PKP2: variants seen among roughly 807,000 people sequenced by gnomAD.
The protein encoded by PKP2 is plakophilin-2.
Under a neutral mutation model 83.4 loss-of-function variants are expected in PKP2, and 73 were observed. That is an observed-to-expected ratio of 0.88 (90% CI 0.72 to 1.06). PKP2 has a LOEUF of 1.06. Among genes scored for constraint, PKP2 ranks in the 50% least tolerant of loss-of-function variants. The probability of loss-of-function intolerance (pLI) is 0.00; values close to 1 mark genes in which losing one functional copy is unlikely to be tolerated. For synonymous variants in PKP2, 409 were observed against 430.4 expected (o/e 0.95, Z 0.62); for missense variants, 966 against 1,065.4 (o/e 0.91, Z 1.30).
intron 9 of PKP2, among the ~76,000 whole-genome samples, chr12:32,811,302 T>C (rs1956275230): frequency 6.6e-6 from 1 of 152,238 alleles, no homozygotes; most frequent in Non-Finnish European, 1.5e-5. Context: ...TTAATTCTAG[T>C]AGGTGCTGTC....
intron 4 of PKP2, among the ~76,000 whole-genome samples, chr12:32,857,037 C>A (rs988751658): frequency 6.6e-6 from 1 of 152,218 alleles, no homozygotes; most frequent in Non-Finnish European, 1.5e-5. Context: ...AGCAGTGACT[C>A]TTCAGAGTCC....
At chr12:32,823,423 A>AT (rs1956402622) in intron 7 of PKP2, among the ~76,000 whole-genome samples, 1 of 18,644 alleles carries the variant, frequency 5.4e-5, no homozygotes, top group Admixed American at 3.9e-4. Context: ...CTCTGCCTCC[A>AT]AAAAAAAAAA....
chr12:32,841,246 G>T (rs186175440), intron 5 of PKP2, 41 bp from the exon 6 acceptor site: 2 of 1,535,116 alleles, frequency 1.3e-6, no homozygotes, highest in Non-Finnish European at 1.8e-6. Flanking sequence ...GTGCAGGGTG[G>T]GACCAAAATG....
chr12:32,858,155 T>C (rs1174937828), intron 4 of PKP2, among the ~76,000 whole-genome samples: 1 of 120,634 alleles, frequency 8.3e-6, no homozygotes, highest in Non-Finnish European at 1.7e-5. Context: ...TATATATAAA[T>C]ATATATAAAA....
At chr12:32,818,467 A>G (rs1045510068) in intron 9 of PKP2, among the ~76,000 whole-genome samples, 17 of 151,946 alleles carry the variant, frequency 1.1e-4, no homozygotes, top group African/African-American at 3.9e-4. Context: ...TCTCAAAAAC[A>G]AAAAAAACCC....
In PKP2 at chr12:32,802,498, CG is replaced by C; in HGVS notation, c.2071del (p.Arg691GlufsTer11). On this transcript the variant is annotated frameshift_variant, in exon 10 of 13. Coordinates refer to ENST00000340811, the MANE Select transcript of PKP2 (RefSeq NM_001005242.3). LOFTEE classifies it high-confidence loss of function. ...TGGGTCACCAACATGCAGCATCTTT[CG>C]GGTGTGCTGCAGGCCACTTTCCTTC... ...VQKESGLQHT[R>X]KMLHVGDPSV... The C allele has an allele frequency of 6.2e-7, 1 of 1,613,786 alleles. No individual in the cohort carries two copies. Among genetic ancestry groups the C allele is most frequent in the Non-Finnish European group, 8.5e-7 (1 of 1,179,676 alleles).
intron 4 of PKP2, chr12:32,863,250 T>C (rs1956817174): frequency 7.9e-6 from 2 of 253,096 alleles, no homozygotes; most frequent in South Asian, 6.3e-5. Context: ...GATGTCCTTA[T>C]GTATACAAAG....
chr12:32,804,369 G>A (rs73301732), intron 9 of PKP2, among the ~76,000 whole-genome samples: 6,349 of 152,228 alleles, frequency 0.042, 169 homozygotes, highest in African/African-American at 0.069. Flanking sequence ...AGGTTAATGT[G>A]TACCATGGTG....
intron 8 of PKP2, chr12:32,821,924 C>G (rs749990977): frequency 8.5e-5 from 21 of 245,864 alleles, no homozygotes; most frequent in Non-Finnish European, 8.7e-5. Context: ...CACCAGGGTT[C>G]TAAATTTACC....
chr12:32,826,839 G>A (rs1471402226), intron 6 of PKP2, among the ~76,000 whole-genome samples: 1 of 152,132 alleles, frequency 6.6e-6, no homozygotes, highest in African/African-American at 2.4e-5. Context: ...GAAGCCAAAA[G>A]TTTCCGTTAC....
chr12:32,841,025 T>C lies in PKP2; in HGVS notation c.1556+3A>G. On this transcript the variant is annotated splice_donor_region_variant and intron_variant, in intron 6 of 12. Coordinates refer to ENST00000340811, the MANE Select transcript of PKP2 (RefSeq NM_001005242.3). ...TATCAGGGCAGGGTACAGGTAGCATTACCTTAGGCATCCAGTGACGTTGTA... is the reference window on the plus strand; with the variant it reads ...TATCAGGGCAGGGTACAGGTAGCATCACCTTAGGCATCCAGTGACGTTGTA... 6.2e-7 allele frequency: 1 copy of C among 1,611,840 alleles called. No individual in the cohort carries two copies. The highest frequency in any genetic ancestry group is 8.5e-7 in the Non-Finnish European group (1 of 1,178,946).
At chr12:32,847,115 C>T (rs924553074) in intron 5 of PKP2, among the ~76,000 whole-genome samples, 14 of 151,916 alleles carry the variant, frequency 9.2e-5, no homozygotes, top group African/African-American at 3.4e-4. Flanking sequence ...AAAAAAAGGT[C>T]AAAGAAATAG....
chr12:32,859,828 G>A (rs922673711), intron 4 of PKP2, among the ~76,000 whole-genome samples: 14 of 151,652 alleles, frequency 9.2e-5, no homozygotes, highest in African/African-American at 3.4e-4. Flanking sequence ...ATAATGAAAT[G>A]CCTATTTTTG....
At chr12:32,823,977 G>T (rs1956407593) in intron 7 of PKP2, 68 bp downstream of exon 7, 1 of 947,072 alleles carries the variant, frequency 1.1e-6, no homozygotes, top group Non-Finnish European at 1.7e-6. Flanking sequence ...CTAAAACCAA[G>T]CGGCTATCTT....
chr12:32,880,357 G>T (rs113478510), intron 1 of PKP2, among the ~76,000 whole-genome samples: 1 of 151,914 alleles, frequency 6.6e-6, no homozygotes, highest in Non-Finnish European at 1.5e-5. Flanking sequence ...CCGAGATAGC[G>T]CCACTGCACT....
At chr12:32,811,329 G>T (rs1039055512) in intron 9 of PKP2, among the ~76,000 whole-genome samples, 2 of 152,190 alleles carry the variant, frequency 1.3e-5, no homozygotes, top group Non-Finnish European at 2.9e-5. Flanking sequence ...GCTGTAGTCA[G>T]TGTCTTTCTG....
intron 4 of PKP2, among the ~76,000 whole-genome samples, chr12:32,855,604 G>A (rs1592752583): frequency 2.0e-5 from 3 of 151,762 alleles, no homozygotes; most frequent in Admixed American, 6.6e-5. Flanking sequence ...GTGAAACCCC[G>A]TCTCTACTAA....
At chr12:32,827,078 CAAAA>C (rs1184329196) in intron 6 of PKP2, among the ~76,000 whole-genome samples, 3 of 152,208 alleles carry the variant, frequency 2.0e-5, no homozygotes, top group Non-Finnish European at 4.4e-5. Flanking sequence ...TTTGACAAAT[CAAAA>C]AGTCTTTCTT....
At chr12:32,824,625 G>A (rs1192378268) in intron 6 of PKP2, among the ~76,000 whole-genome samples, 2 of 152,120 alleles carry the variant, frequency 1.3e-5, no homozygotes, top group African/African-American at 4.8e-5. Flanking sequence ...TACATTCTTT[G>A]TGGTTTTCTA....
Sources: allele counts gnomAD v4.1 joint callset (sites outside exome capture counted in the v4.1 genomes callset), GRCh38; gene constraint gnomAD v4.1.1; transcripts MANE v1.5; gene names NCBI Gene and HGNC (gene_info 2026-07-23, HGNC 2026-07-21).